FARSB: variants seen among roughly 807,000 people sequenced by gnomAD.
FARSB encodes the protein phenylalanine--tRNA ligase beta subunit.
FARSB carries 40 observed loss-of-function variants against 69.6 expected under a neutral mutation model. The observed-to-expected ratio is 0.57, with a 90% CI of 0.45 to 0.75. FARSB has a LOEUF of 0.75. Ranked by LOEUF, FARSB falls within the 30% of genes least tolerant of loss-of-function variation. The pLI, the probability that FARSB is intolerant of heterozygous loss-of-function variation, is 0.00. For synonymous variants in FARSB, 235 were observed against 247.2 expected (o/e 0.95, Z 0.46); for missense variants, 632 against 722.9 (o/e 0.87, Z 1.44).
intron 16 of FARSB, among the ~76,000 whole-genome samples, chr2:222,598,464 ACC>A (rs1391266862): frequency 6.6e-6 from 1 of 152,234 alleles, no homozygotes; most frequent in African/African-American, 2.4e-5. Context: ...GCTCTTTGCA[ACC>A]TTTCAAGTAT....
intron 10 of FARSB, among the ~76,000 whole-genome samples, chr2:222,627,388 T>C (rs568682806): frequency 3.3e-5 from 5 of 152,302 alleles, no homozygotes; most frequent in Admixed American, 2.0e-4. Flanking sequence ...ATGAGGGACA[T>C]GTGAGTTGTT....
In FARSB at chr2:222,600,026, C is replaced by G; in HGVS notation, c.1520G>C (p.Gly507Ala). The G allele has an allele frequency of 1.2e-6, 2 of 1,611,364 alleles. No individual in the cohort carries two copies. Among genetic ancestry groups the G allele is most frequent in the Non-Finnish European group, 1.7e-6 (2 of 1,179,370 alleles). The part of the protein sequence containing the change: ...LCAVYYNKNP[G>A]FEIIHGLLDR... ...CAGCAGCCCATGAATGATCTCAAAC[C>G]CAGGATTCTTGTTGTAATAAACAGC... Residue 507 changes from glycine to alanine, a missense_variant, in exon 16 of 17, where the codon GGG (glycine) becomes GCG (alanine). Physicochemically the swap from Gly to Ala is moderately conservative, Grantham distance 60. Transcript: ENST00000281828.
chr2:222,600,139 G>A lies in FARSB; in HGVS notation c.1463-56C>T, dbSNP rs1406448157. The A allele has an allele frequency of 1.1e-5, 15 of 1,390,468 alleles. No homozygotes were observed. In the East Asian group the frequency reaches 3.1e-4, roughly 28 times the overall value. The allele number at this position is 1,390,468 out of a possible 1,614,324, so 86.1% of individuals were successfully genotyped here. A position where few individuals can be genotyped will look rare whatever the true frequency, so the allele number is the denominator to read the frequency against. On this transcript the variant is annotated intron_variant, in intron 15 of 16. Transcript: ENST00000281828. ...TGTATTAACCATTGCTTAAGAAACT[G>A]ATTTACCCCAGTACAAACTTAGAAA...
chr2:222,572,875 C>A (rs1183954113), intron 16 of FARSB, among the ~76,000 whole-genome samples: 2 of 152,208 alleles, frequency 1.3e-5, no homozygotes, highest in Non-Finnish European at 2.9e-5. Flanking sequence ...GTTCTGTACT[C>A]TTCTGAAGTT....
chr2:222,635,020 T>A (rs1406080676), intron 5 of FARSB, among the ~76,000 whole-genome samples: 2 of 152,166 alleles, frequency 1.3e-5, no homozygotes, highest in Non-Finnish European at 2.9e-5. Context: ...ATGGAAAAAA[T>A]TTAATTTTAA....
chr2:222,644,426 G>A, intron 2 of FARSB: 1 of 388,326 alleles, frequency 2.6e-6, no homozygotes, highest in East Asian at 8.0e-5. Flanking sequence ...AAGAAAAGAA[G>A]GGGAATGGGG....
At chr2:222,616,254 A>G (rs76427474) in intron 14 of FARSB, among the ~76,000 whole-genome samples, 6,515 of 152,284 alleles carry the variant, frequency 0.043, 217 homozygotes, top group African/African-American at 0.094. Flanking sequence ...ATCAATGTCA[A>G]TGTATGAACC....
chr2:222,645,077 T>C (rs1691814947), intron 2 of FARSB, among the ~76,000 whole-genome samples: 1 of 151,314 alleles, frequency 6.6e-6, no homozygotes, highest in Admixed American at 6.6e-5. Flanking sequence ...AATTTGTCAG[T>C]GCTACCTGAC....
At position 222,613,736 on chromosome 2, in the gene FARSB, A is replaced by T. The variant is rs187369862; in HGVS notation, c.1462+75T>A. 27 of 930,914 alleles carry T rather than the reference A, an allele frequency of 2.9e-5. No homozygotes were observed. In the East Asian group the frequency reaches 6.1e-4, roughly 21 times the overall value. 57.7% of individuals were successfully genotyped at this position (930,914 alleles called of 1,614,324 possible). A position where few individuals can be genotyped will look rare whatever the true frequency, so the allele number is the denominator to read the frequency against. On this transcript the variant is annotated intron_variant, in intron 15 of 16. Transcript: ENST00000281828. ...TAATTATACTATTTTTTCTGCTTTT[A>T]TGTATAGTTAAGGTTTTCATAATGA...
intron 1 of FARSB, among the ~76,000 whole-genome samples, chr2:222,649,067 A>C (rs1354684138): frequency 2.0e-5 from 3 of 151,516 alleles, no homozygotes; most frequent in Non-Finnish European, 4.4e-5. Flanking sequence ...TCTCTACTAA[A>C]AATACAAAAT....
At chr2:222,615,821 T>G (rs1032409480) in intron 14 of FARSB, among the ~76,000 whole-genome samples, 1 of 152,226 alleles carries the variant, frequency 6.6e-6, no homozygotes, top group African/African-American at 2.4e-5. Flanking sequence ...CGCCTTCAAC[T>G]TGGTGCTTCT....
At chr2:222,594,707 C>G (rs1183006042) in intron 16 of FARSB, among the ~76,000 whole-genome samples, 26 of 152,138 alleles carry the variant, frequency 1.7e-4, no homozygotes, top group Admixed American at 1.7e-3. Flanking sequence ...AGAGGGAATA[C>G]CAAGCTGACC....
intron 15 of FARSB, among the ~76,000 whole-genome samples, chr2:222,607,257 A>G (rs753741415): frequency 1.3e-5 from 2 of 152,212 alleles, no homozygotes; most frequent in Non-Finnish European, 2.9e-5. Context: ...ATTATCACAC[A>G]TTTAGATGTT....
rs969535523 is a variant in FARSB, at chr2:222,567,098, T to G, written c.*4773A>C. On this transcript the variant is annotated 3_prime_UTR_variant, in exon 17 of 17. Transcript: ENST00000281828. ...AGAGCAAGCTCTCTGGTGTTTCTTC[T>G]TATCAGGCCACTGAGCCTTTCATGA... 4 of 152,228 alleles carry G rather than the reference T, an allele frequency of 2.6e-5. No individual in the cohort carries two copies. Among genetic ancestry groups the G allele is most frequent in the African/African-American group, 7.2e-5 (3 of 41,450 alleles). 9.4% of individuals were successfully genotyped at this position (152,228 alleles called of 1,614,324 possible). A position where few individuals can be genotyped will look rare whatever the true frequency, so the allele number is the denominator to read the frequency against.
chr2:222,622,982 G>A (rs1691178123), intron 13 of FARSB, among the ~76,000 whole-genome samples: 1 of 152,192 alleles, frequency 6.6e-6, no homozygotes, highest in South Asian at 2.1e-4. Context: ...CTAAGTTGCA[G>A]GGGAGAAAAA....
At chr2:222,605,733 C>T (rs910598216) in intron 15 of FARSB, among the ~76,000 whole-genome samples, 1 of 147,664 alleles carries the variant, frequency 6.8e-6, no homozygotes, top group Non-Finnish European at 1.5e-5. Context: ...GCCTGGGCAA[C>T]AAAGTGAGAC....
At position 222,571,998 on chromosome 2, in the gene FARSB, C is replaced by T. The variant is rs766858931; in HGVS notation, c.1643G>A (p.Cys548Tyr). The T allele has an allele frequency of 6.2e-7, 1 of 1,613,696 alleles. No homozygotes were observed. The highest frequency in any genetic ancestry group is 1.1e-5 in the South Asian group (1 of 91,026). ...SEGPAFFPGR[C>Y]AEIFARGQSV... ...TTGACCCCTGGCAAAGATCTCTGCACATCGCCCGGGGAAGAAAGCAGGCCC... is the reference window on the plus strand; with the variant it reads ...TTGACCCCTGGCAAAGATCTCTGCATATCGCCCGGGGAAGAAAGCAGGCCC... The change falls in exon 17 of 17, where the codon TGT (cysteine) becomes TAT (tyrosine). Residue 548 changes from cysteine (C) to tyrosine (Y), a missense_variant. Physicochemically the swap from Cys to Tyr is radical, Grantham distance 194 (BLOSUM62 -2). Transcript: ENST00000281828.
At chr2:222,584,120 T>C (rs1277173945) in intron 16 of FARSB, among the ~76,000 whole-genome samples, 1 of 152,160 alleles carries the variant, frequency 6.6e-6, no homozygotes, top group Non-Finnish European at 1.5e-5. Context: ...TGATTATTAT[T>C]ATGGTTATAG....
chr2:222,623,272 G>C (rs181337107), intron 13 of FARSB, among the ~76,000 whole-genome samples: 1 of 152,276 alleles, frequency 6.6e-6, no homozygotes, highest in East Asian at 1.9e-4. Context: ...ATGTGGAACA[G>C]TCCACAAGCC....
Sources: gnomAD v4.1 joint callset for allele counts (sites outside exome capture counted in the v4.1 genomes callset) on GRCh38, gnomAD v4.1.1 for gene constraint, MANE v1.5 for transcripts, NCBI Gene and HGNC (gene_info 2026-07-23, HGNC 2026-07-21) for gene names.